Variants in DDX60L observed in about 807,000 individuals in gnomAD.
DDX60L encodes the protein DExD/H-box 60 like.
A neutral mutation model predicts 211.6 loss-of-function variants in DDX60L; 191 were observed. That is an observed-to-expected ratio of 0.90 (90% CI 0.80 to 1.02). The LOEUF is 1.02. Among genes scored for constraint, DDX60L ranks in the 50% least tolerant of loss-of-function variants. The pLI is 0.00. For synonymous variants in DDX60L, 706 were observed against 694.1 expected (o/e 1.02, Z -0.27); for missense variants, 2,007 against 1,984.1 (o/e 1.01, Z -0.22).
intron 8 of DDX60L, among the ~76,000 whole-genome samples, chr4:168,449,652 C>CAAAAAAAAAAAAAAAAAAAAAAA: frequency 2.8e-3 from 22 of 7,920 alleles, no homozygotes; most frequent in South Asian, 5.1e-3. Flanking sequence ...AAAAAAAATG[C>CAAAAAAAAAAAAAAAAAAAAAAA]AAAAAAAAAA....
chr4:168,420,696 GA>G (rs1750458907), intron 17 of DDX60L, among the ~76,000 whole-genome samples: 16 of 146,786 alleles, frequency 1.1e-4, no homozygotes, highest in Non-Finnish European at 1.5e-5. Flanking sequence ...CAGACAGACA[GA>G]CAGACAGATA....
At chr4:168,392,253 T>C (rs1159718454) in intron 28 of DDX60L, among the ~76,000 whole-genome samples, 1 of 152,238 alleles carries the variant, frequency 6.6e-6, no homozygotes, top group Admixed American at 6.5e-5. Context: ...GATAATAAAG[T>C]TACATTTTCC....
Position 168,378,459 on chromosome 4 carries a change from G to C in DDX60L, c.4380C>G (p.Ser1460=). The C allele has an allele frequency of 6.4e-7, 1 of 1,570,252 alleles. No homozygotes were observed. The highest frequency in any genetic ancestry group is 1.2e-5 in the South Asian group (1 of 84,490). The part of the protein sequence containing the change: ...KPAWKGSQQF[S]QDVMEKLVLV... The stretch of plus-strand genomic sequence containing the variant: ...ACACGAGCTTTTCCATCACATCTTG[G>C]GAAAATTGTTGTGAGCCTATTGAAA... Residue 1460 remains serine, a synonymous_variant, in exon 33 of 38, where the codon TCC becomes TCG. Transcript: ENST00000682922.
At chr4:168,454,070 T>A (rs1756185075) in intron 7 of DDX60L, among the ~76,000 whole-genome samples, 2 of 152,180 alleles carry the variant, frequency 1.3e-5, no homozygotes, top group Non-Finnish European at 2.9e-5. Flanking sequence ...CAGAACCCTA[T>A]GATGGGTGCT....
At position 168,361,205 on chromosome 4, in the gene DDX60L, A is replaced by C. The variant is rs1373188641; in HGVS notation, c.4935T>G (p.Arg1645=). The change falls in exon 37 of 38, where the codon CGT becomes CGG. Residue 1645 remains arginine, a synonymous_variant. Transcript: ENST00000682922. The part of the protein sequence containing the change: ...LTRLDQKNGM[R]MGQLLKCLKD... ...TCAAACACTTTAAAAGCTGTCCCAT[A>C]CGCATCCTAAAGAGAACAACATTTC... 5.1e-6 allele frequency: 8 copies of C among 1,583,020 alleles called. No individual in the cohort carries two copies. The highest frequency in any genetic ancestry group is 6.9e-6 in the Non-Finnish European group (8 of 1,153,352).
chr4:168,384,901 G>A lies in DDX60L; in HGVS notation c.3916-89C>T, dbSNP rs1034218143. On this transcript the variant is annotated intron_variant, in intron 29 of 37. Coordinates refer to ENST00000682922, the MANE Select transcript of DDX60L (RefSeq NM_001012967.3). ...ATTTATGACTTTACACTTGTTATCC[G>A]GGATTGTGTTAAATTGTGTATTTAG... 21 of 1,296,816 alleles carry A rather than the reference G, an allele frequency of 1.6e-5. 1 individual carries two copies. The highest frequency in any genetic ancestry group is 9.5e-5 in the South Asian group (7 of 73,660). 80.3% of individuals were successfully genotyped at this position (1,296,816 alleles called of 1,614,324 possible). A position where few individuals can be genotyped will look rare whatever the true frequency, so the allele number is the denominator to read the frequency against.
chr4:168,476,525 C>T (rs901246386), intron 1 of DDX60L, among the ~76,000 whole-genome samples: 75 of 151,370 alleles, frequency 5.0e-4, no homozygotes, highest in African/African-American at 1.7e-3. Flanking sequence ...CAGAGAATAG[C>T]GAGAGGAGAC....
At position 168,456,166 on chromosome 4, in the gene DDX60L, A is replaced by G. The variant is rs78074227; in HGVS notation, c.724-14T>C. ...AGTCTGATACGCCTATCAAAAAAGAAATTTCTTCAAATGTCAAATTATTTA... is the reference window on the plus strand; with the variant it reads ...AGTCTGATACGCCTATCAAAAAAGAGATTTCTTCAAATGTCAAATTATTTA... On this transcript the variant is annotated splice_polypyrimidine_tract_variant and intron_variant, in intron 6 of 37. Coordinates refer to ENST00000682922, the MANE Select transcript of DDX60L (RefSeq NM_001012967.3). The G allele has an allele frequency of 5.7e-3, 8,223 of 1,441,082 alleles. 351 individuals carry two copies. The African/African-American group carries it at 0.098, about 17-fold the overall frequency. 89.3% of individuals were successfully genotyped at this position (1,441,082 alleles called of 1,614,324 possible). A position where few individuals can be genotyped will look rare whatever the true frequency, so the allele number is the denominator to read the frequency against.
At chr4:168,424,362 A>G (rs1751135999) in intron 14 of DDX60L, among the ~76,000 whole-genome samples, 1 of 152,172 alleles carries the variant, frequency 6.6e-6, no homozygotes, top group Admixed American at 6.5e-5. Flanking sequence ...TAGCCTCTTT[A>G]TCTCTATCCC....
intron 4 of DDX60L, 22 bp downstream of exon 4, chr4:168,471,725 G>A (rs780790808): frequency 2.1e-5 from 33 of 1,563,500 alleles, no homozygotes; most frequent in Admixed American, 8.4e-5. Context: ...GGACTAAAAC[G>A]ACATCAATCA....
Position 168,404,020 on chromosome 4 carries a change from C to A in DDX60L, c.3300G>T (p.Lys1100Asn). 6.6e-7 allele frequency: 1 copy of A among 1,504,410 alleles called. No homozygotes were observed. The highest frequency in any genetic ancestry group is 9.0e-7 in the Non-Finnish European group (1 of 1,117,144). The allele number at this position is 1,504,410 out of a possible 1,614,324, so 93.2% of individuals were successfully genotyped here. A position where few individuals can be genotyped will look rare whatever the true frequency, so the allele number is the denominator to read the frequency against. The change falls in exon 25 of 38, where the codon AAG (lysine) becomes AAT (asparagine). Residue 1100 changes from lysine to asparagine, a missense_variant. By Grantham distance (94) the Lys-to-Asn change is moderately conservative. Coordinates refer to ENST00000682922, the MANE Select transcript of DDX60L (RefSeq NM_001012967.3). ...CAGGCAACTTATCCATTTGTCTTAA[C>A]TTTTCAACAAGAAGAGGAAACATTT... ...MVKMFPLLVE[K>N]LRQMDKLPAI...
intron 1 of DDX60L, among the ~76,000 whole-genome samples, chr4:168,478,113 GAGA>G (rs1251029902): frequency 1.3e-5 from 2 of 151,576 alleles, no homozygotes; most frequent in Non-Finnish European, 2.9e-5. Flanking sequence ...GGGAAAAGAG[GAGA>G]AGAAGGAAGG....
At position 168,396,078 on chromosome 4, in the gene DDX60L, CT is replaced by C. The variant is rs749766723; in HGVS notation, c.3537del (p.Val1180CysfsTer13). On this transcript the variant is annotated frameshift_variant, in exon 27 of 38. Coordinates refer to ENST00000682922, the MANE Select transcript of DDX60L (RefSeq NM_001012967.3). LOFTEE classifies it high-confidence loss of function. ...PKKAEKLERK[K>X]VYRAEYINFL... ...AAATTAATATATTCAGCTCTATACA[CT>C]TTTTTTCTTTCCAGTTTTTCAGCCT... 1.2e-5 allele frequency: 19 copies of C among 1,565,152 alleles called. No individual in the cohort carries two copies. Among genetic ancestry groups the C allele is most frequent in the African/African-American group, 6.9e-5 (5 of 72,084 alleles).
In DDX60L at chr4:168,471,716, G is replaced by A. The variant is rs758005635; in HGVS notation, c.264+31C>T. 1.9e-6 allele frequency: 3 copies of A among 1,542,774 alleles called. No homozygotes were observed. The South Asian group carries it at 3.7e-5, about 19-fold the overall frequency. On this transcript the variant is annotated intron_variant, in intron 4 of 37. Transcript: ENST00000682922. ...GACATTTCAGTTATAGTCTTCAAAG[G>A]ACTAAAACGACATCAATCATCATAT... is the stretch of plus-strand genomic sequence containing the variant.
chr4:168,410,676 G>C (rs930231146), intron 22 of DDX60L, among the ~76,000 whole-genome samples: 1 of 152,160 alleles, frequency 6.6e-6, no homozygotes, highest in Non-Finnish European at 1.5e-5. Context: ...AAAGAGGAGA[G>C]AATAGCAGGA....
rs1237759048 is a variant in DDX60L at position 168,379,371 on chromosome 4, G to A, written c.4355C>T (p.Ala1452Val). 2 of 1,566,994 alleles carry A rather than the reference G, an allele frequency of 1.3e-6. No individual in the cohort carries two copies. The highest frequency in any genetic ancestry group is 2.1e-5 in the Admixed American group (1 of 48,772). ...ATAAAACCCAAGCTTACCTTTCCAGGCTGGCTTACAGAGATTATGGAAAAG... is the reference window on the plus strand; with the variant it reads ...ATAAAACCCAAGCTTACCTTTCCAGACTGGCTTACAGAGATTATGGAAAAG... The part of the protein sequence containing the change: ...RGLFHNLCKP[A>V]WKGSQQFSQD... Residue 1452 changes from alanine to valine, a missense_variant, in exon 32 of 38, where the codon GCC becomes GTC. Physicochemically the swap from Ala to Val is moderately conservative, Grantham distance 64. Transcript: ENST00000682922.
At chr4:168,390,195 T>TG in intron 29 of DDX60L, 1 of 1,012,038 alleles carries the variant, frequency 9.9e-7, no homozygotes, top group South Asian at 4.6e-5. Flanking sequence ...TGGTCCATAG[T>TG]AAATAAATGA....
intron 22 of DDX60L, among the ~76,000 whole-genome samples, chr4:168,409,786 T>A (rs1017120631): frequency 2.0e-5 from 3 of 152,206 alleles, no homozygotes; most frequent in African/African-American, 7.2e-5. Context: ...TTAAGAACAT[T>A]AGGCTTTGGG....
intron 9 of DDX60L, among the ~76,000 whole-genome samples, chr4:168,445,729 A>G (rs538655719): frequency 7.3e-5 from 11 of 150,528 alleles, no homozygotes; most frequent in South Asian, 2.1e-4. Context: ...TTCAATATAC[A>G]CAAATCAATA....
Sources: gnomAD v4.1 joint callset for allele counts (sites outside exome capture counted in the v4.1 genomes callset) on GRCh38, gnomAD v4.1.1 for gene constraint, MANE v1.5 for transcripts, NCBI Gene and HGNC (gene_info 2026-07-23, HGNC 2026-07-21) for gene names.